SV2B: variants seen among roughly 807,000 people sequenced by gnomAD.
SV2B encodes the protein synaptic vesicle glycoprotein 2B, also known as solute carrier family 22 member B2.
A neutral mutation model predicts 73.9 loss-of-function variants in SV2B; 41 were observed. The observed-to-expected ratio is 0.56, with a 90% confidence interval of 0.43 to 0.72. The LOEUF (loss-of-function observed/expected upper bound fraction) is 0.72, where lower values mean the gene tolerates loss of function less well. Among genes scored for constraint, SV2B ranks in the 30% least tolerant of loss-of-function variants. The pLI is 0.00. For missense variants in SV2B, 764 were observed against 857.8 expected (o/e 0.89, Z 1.37); for synonymous variants, 314 against 314.2 (o/e 1.00, Z 0.01).
At chr15:91,194,357 T>A (rs1209403184) in intron 1 of SV2B, among the ~76,000 whole-genome samples, 4 of 152,178 alleles carry the variant, frequency 2.6e-5, no homozygotes, top group Non-Finnish European at 4.4e-5. Flanking sequence ...TCCTTTCAGA[T>A]AATGTTAGAA....
intron 1 of SV2B, among the ~76,000 whole-genome samples, chr15:91,205,582 T>G (rs2045606215): frequency 6.6e-6 from 1 of 151,972 alleles, no homozygotes; most frequent in Non-Finnish European, 1.5e-5. Context: ...GCCAGACTGG[T>G]CTCGAACTCT....
In SV2B at chr15:91,123,450, A is replaced by G. The variant is rs1021390909; in HGVS notation, c.-392+23087A>G. On this transcript the variant is annotated intron_variant, in intron 1 of 12. Coordinates refer to ENST00000394232, the MANE Select transcript of SV2B (RefSeq NM_001323032.3). The surrounding 1 kb of genome is among the most constrained non-coding windows in gnomAD (Gnocchi z 4.7). ...ACATAATTTTTATTTGTCAATTAAAAGAAAGAAATAAGAGCTTGAGGAAGA... is the reference window on the plus strand; with the variant it reads ...ACATAATTTTTATTTGTCAATTAAAGGAAAGAAATAAGAGCTTGAGGAAGA... Among the ~76,000 whole-genome samples, 13 of 152,226 alleles carry G rather than the reference A, an allele frequency of 8.5e-5. No individual in the cohort carries two copies. Among genetic ancestry groups the G allele is most frequent in the Non-Finnish European group, 1.9e-4 (13 of 68,036 alleles).
intron 1 of SV2B, among the ~76,000 whole-genome samples, chr15:91,171,120 A>G (rs1276664337): frequency 6.6e-6 from 1 of 151,996 alleles, no homozygotes; most frequent in Admixed American, 6.6e-5. Flanking sequence ...TGTCTCTGAA[A>G]CCTGTGCTCT....
intron 1 of SV2B, among the ~76,000 whole-genome samples, chr15:91,192,044 A>T (rs2045055777): frequency 1.3e-5 from 2 of 152,180 alleles, no homozygotes; most frequent in African/African-American, 4.8e-5. Context: ...TTCTTACCTC[A>T]TGCTGGTCTC....
chr15:91,144,831 G>T (rs150221784), intron 1 of SV2B, among the ~76,000 whole-genome samples: 1 of 151,326 alleles, frequency 6.6e-6, no homozygotes, highest in African/African-American at 2.4e-5. Flanking sequence ...ATCTATTTCT[G>T]CCGTGTTAAT....
intron 1 of SV2B, among the ~76,000 whole-genome samples, chr15:91,145,332 T>C (rs948779664): frequency 6.6e-6 from 1 of 152,250 alleles, no homozygotes; most frequent in African/African-American, 2.4e-5. Context: ...ATTCTTTTTA[T>C]GGCTGCATAG....
intron 1 of SV2B, among the ~76,000 whole-genome samples, chr15:91,109,671 T>G (rs2041985429): frequency 6.6e-6 from 1 of 152,196 alleles, no homozygotes; most frequent in African/African-American, 2.4e-5. Flanking sequence ...TCTTACAGTT[T>G]CAGAGCTCGA....
chr15:91,116,664 C>T (rs1383884962), intron 1 of SV2B, among the ~76,000 whole-genome samples: 2 of 152,176 alleles, frequency 1.3e-5, no homozygotes, highest in African/African-American at 4.8e-5. Context: ...ATTGCCTCAG[C>T]CCTTGCAGTC....
intron 1 of SV2B, among the ~76,000 whole-genome samples, chr15:91,166,605 A>G (rs1392100334): frequency 1.3e-5 from 2 of 151,926 alleles, no homozygotes; most frequent in African/African-American, 2.4e-5. Flanking sequence ...AACTTTTGAT[A>G]TAGTTCCATA....
chr15:91,150,339 T>A (rs888091712), intron 1 of SV2B, among the ~76,000 whole-genome samples: 6 of 152,134 alleles, frequency 3.9e-5, no homozygotes, highest in African/African-American at 1.4e-4. Flanking sequence ...TTTGGTCAGG[T>A]GTATACAGCT....
At chr15:91,212,488 TTTGCTA>T (rs2045901477) in intron 1 of SV2B, among the ~76,000 whole-genome samples, 1 of 152,212 alleles carries the variant, frequency 6.6e-6, no homozygotes, top group Non-Finnish European at 1.5e-5. Flanking sequence ...AGGACTCAAG[TTTGCTA>T]AGATTCACTG....
At chr15:91,162,159 G>GT (rs369699783) in intron 1 of SV2B, among the ~76,000 whole-genome samples, 5 of 151,870 alleles carry the variant, frequency 3.3e-5, no homozygotes, top group African/African-American at 7.3e-5. Context: ...AATCAATTCA[G>GT]TTTTTTTTGG....
intron 1 of SV2B, among the ~76,000 whole-genome samples, chr15:91,180,560 A>T (rs1231812207): frequency 6.6e-6 from 1 of 152,116 alleles, no homozygotes; most frequent in Non-Finnish European, 1.5e-5. Context: ...CTTTTCACAT[A>T]GTCCCATATT....
intron 1 of SV2B, among the ~76,000 whole-genome samples, chr15:91,200,904 C>A (rs899838449): frequency 6.6e-6 from 1 of 152,048 alleles, no homozygotes; most frequent in Non-Finnish European, 1.5e-5. Flanking sequence ...GAGAACCTGT[C>A]TCTGAAAAAA....
rs2043589983 is a variant in SV2B at position 91,158,695 on chromosome 15, T to TCTTCTCTTCC, written c.-392+58339_-392+58340insTCCCTTCTCT. On this transcript the variant is annotated intron_variant, in intron 1 of 12. Transcript: ENST00000394232. The stretch of plus-strand genomic sequence containing the variant: ...TCTTCTCTTCTCTTCTCTTCTCTTC[T>TCTTCTCTTCC]CTTCTCTCCTCTCCTCTCCTCTCCT... Among the ~76,000 whole-genome samples, 3 of 67,404 alleles carry TCTTCTCTTCC rather than the reference T, an allele frequency of 4.5e-5. 1 individual carries two copies. The highest frequency in any genetic ancestry group is 1.6e-4 in the African/African-American group (3 of 19,136). 44.2% of individuals were successfully genotyped at this position (67,404 alleles called of 152,430 possible).
Position 91,289,026 on chromosome 15 carries a change from A to G in SV2B, c.1709-495A>G, listed in dbSNP as rs1020813981. ...TATGTAAACCACATTTTCTTTATCC[A>G]CTCATCTGTTGATGGCCACTTAGGT... On this transcript the variant is annotated intron_variant, in intron 11 of 12. Coordinates refer to ENST00000394232, the MANE Select transcript of SV2B (RefSeq NM_001323032.3). This position sits in a 1 kb window ranked among gnomAD's most constrained non-coding sequence, Gnocchi z 4.9. 3.3e-5 allele frequency among the ~76,000 whole-genome samples: 5 copies of G among 151,716 alleles called. No individual in the cohort carries two copies. The highest frequency in any genetic ancestry group is 7.4e-5 in the Non-Finnish European group (5 of 67,918).
intron 11 of SV2B, among the ~76,000 whole-genome samples, chr15:91,285,172 C>T (rs1393526888): frequency 6.6e-6 from 1 of 152,164 alleles, no homozygotes; most frequent in East Asian, 1.9e-4. Flanking sequence ...AATTCTTTTC[C>T]TGGCATTTGG....
intron 1 of SV2B, among the ~76,000 whole-genome samples, chr15:91,179,604 T>C (rs1052196765): frequency 2.0e-5 from 3 of 152,212 alleles, no homozygotes; most frequent in South Asian, 2.1e-4. Context: ...ATATTTAGGA[T>C]AGTTAGCTCT....
intron 1 of SV2B, among the ~76,000 whole-genome samples, chr15:91,134,366 G>C (rs1173412290): frequency 1.3e-5 from 2 of 151,864 alleles, no homozygotes; most frequent in Non-Finnish European, 2.9e-5. Context: ...TTCTGATAAG[G>C]ATGTTGCTAC....
Sources: gnomAD v4.1 joint callset for allele counts (sites outside exome capture counted in the v4.1 genomes callset) on GRCh38, gnomAD v4.1.1 for gene constraint, Gnocchi (gnomAD v3.1) non-coding constraint, MANE v1.5 for transcripts, NCBI Gene and HGNC (gene_info 2026-07-23, HGNC 2026-07-21) for gene names.